ALK: variants seen among roughly 807,000 people sequenced by gnomAD.
ALK encodes the protein ALK tyrosine kinase receptor.
A neutral mutation model predicts 163.1 loss-of-function variants in ALK; 74 were observed. The ratio of observed to expected loss-of-function variants is 0.45; its 90% confidence interval spans 0.38 to 0.55. The LOEUF is 0.55. Ranked by LOEUF, ALK falls within the 20% of genes least tolerant of loss-of-function variation. The pLI is 0.00. For missense variants in ALK, 2,063 were observed against 2,105.3 expected (o/e 0.98, Z 0.39); for synonymous variants, 960 against 843.2 (o/e 1.14, Z -2.40).
chr2:29,215,462 G>A (rs1302144587), intron 23 of ALK, among the ~76,000 whole-genome samples: 2 of 152,154 alleles, frequency 1.3e-5, no homozygotes, highest in Non-Finnish European at 2.9e-5. Context: ...ATGCCCCAGA[G>A]CACATACATG....
At chr2:29,870,311 GC>G (rs1381339514) in intron 1 of ALK, among the ~76,000 whole-genome samples, 1 of 152,182 alleles carries the variant, frequency 6.6e-6, no homozygotes, top group Non-Finnish European at 1.5e-5. Context: ...TACAATAGTG[GC>G]AGAAAGTGAA....
chr2:29,525,404 T>TA lies in ALK; in HGVS notation c.1154+6510dup, dbSNP rs1263374641. Among the ~76,000 whole-genome samples, 4 of 152,202 alleles carry TA rather than the reference T, an allele frequency of 2.6e-5. No individual in the cohort carries two copies. The East Asian group carries it at 7.7e-4, about 29-fold the overall frequency. Reference sequence around the variant, plus strand: ...GCTGAGATGTTAGAGCCATGATTCTTAACTTTTGGTGCACACCCAGAATCC... The same window carrying TA: ...GCTGAGATGTTAGAGCCATGATTCTTAAACTTTTGGTGCACACCCAGAATCC... On this transcript the variant is annotated intron_variant, in intron 4 of 28. Coordinates refer to ENST00000389048, the MANE Select transcript of ALK (RefSeq NM_004304.5).
chr2:29,614,111 C>T (rs1289329093), intron 3 of ALK, among the ~76,000 whole-genome samples: 1 of 152,128 alleles, frequency 6.6e-6, no homozygotes, highest in East Asian at 1.9e-4. Context: ...CTCCCCCTAC[C>T]GTTCCCCAGG....
chr2:29,584,575 ACTTCTTCCTC>A (rs1674826963), intron 3 of ALK, among the ~76,000 whole-genome samples: 1 of 152,178 alleles, frequency 6.6e-6, no homozygotes, highest in Admixed American at 6.5e-5. Flanking sequence ...CCTGCCCTTC[ACTTCTTCCTC>A]CCTCATCATC....
At chr2:29,692,725 C>T (rs899284599) in intron 3 of ALK, among the ~76,000 whole-genome samples, 2 of 152,196 alleles carry the variant, frequency 1.3e-5, no homozygotes, top group Non-Finnish European at 2.9e-5. Context: ...TACCAGTCTT[C>T]AGCCTGGGTG....
At chr2:29,366,150 T>C (rs935183059) in intron 5 of ALK, among the ~76,000 whole-genome samples, 12 of 152,116 alleles carry the variant, frequency 7.9e-5, no homozygotes, top group Admixed American at 3.9e-4. Context: ...AACCAAGAAT[T>C]GATAGGCCCC....
chr2:29,533,703 A>G (rs572343874), intron 3 of ALK, among the ~76,000 whole-genome samples: 1 of 152,294 alleles, frequency 6.6e-6, no homozygotes, highest in African/African-American at 2.4e-5. Flanking sequence ...TTGAGCAAAC[A>G]TCCAAGCACT....
At chr2:29,695,145 G>T (rs1018496339) in intron 2 of ALK, 131 bp from the exon 3 acceptor site, 2 of 966,488 alleles carry the variant, frequency 2.1e-6, no homozygotes, top group Admixed American at 3.9e-5. Flanking sequence ...GAGATCAGTT[G>T]TCAATACCAC....
At chr2:29,573,502 A>T (rs890096177) in intron 3 of ALK, among the ~76,000 whole-genome samples, 5 of 152,188 alleles carry the variant, frequency 3.3e-5, no homozygotes, top group African/African-American at 1.2e-4. Context: ...TGTAAAAAAA[A>T]TTTTTTGAGA....
rs569859747 is a variant in ALK at position 29,712,786 on chromosome 2, A to G, written c.787+4792T>C. On this transcript the variant is annotated intron_variant, in intron 2 of 28. Transcript: ENST00000389048. ...CCCTGAACTGGATAGGTCTCCTTGGACTGGAAAGCAGACAAAGTTTGAATA... is the reference window on the plus strand; with the variant it reads ...CCCTGAACTGGATAGGTCTCCTTGGGCTGGAAAGCAGACAAAGTTTGAATA... Among the ~76,000 whole-genome samples, 22 of 152,268 alleles carry G rather than the reference A, an allele frequency of 1.4e-4. No homozygotes were observed. The East Asian group carries it at 4.1e-3, about 28-fold the overall frequency.
At chr2:29,302,011 A>G (rs181906189) in intron 8 of ALK, among the ~76,000 whole-genome samples, 74 of 152,324 alleles carry the variant, frequency 4.9e-4, no homozygotes, top group South Asian at 1.2e-3. Context: ...GCCCTCATGG[A>G]GCTTATCATC....
At chr2:29,678,777 A>T (rs1390492127) in intron 3 of ALK, among the ~76,000 whole-genome samples, 1 of 151,598 alleles carries the variant, frequency 6.6e-6, no homozygotes, top group African/African-American at 2.4e-5. Flanking sequence ...ATTTTATATA[A>T]ATTAATGACT....
intron 3 of ALK, among the ~76,000 whole-genome samples, chr2:29,569,570 C>T (rs34140919): frequency 3.0e-5 from 3 of 99,578 alleles, no homozygotes; most frequent in African/African-American, 1.4e-4. Flanking sequence ...TCTTCCCCCC[C>T]CCTAGTGAGG....
chr2:29,635,735 T>G (rs1676502145), intron 3 of ALK, among the ~76,000 whole-genome samples: 1 of 151,884 alleles, frequency 6.6e-6, no homozygotes, highest in African/African-American at 2.4e-5. Context: ...CCCGAGTAGC[T>G]GGGATTACAA....
chr2:29,703,589 A>G (rs1288204702), intron 2 of ALK, among the ~76,000 whole-genome samples: 1 of 152,224 alleles, frequency 6.6e-6, no homozygotes, highest in African/African-American at 2.4e-5. Context: ...ACATTGGCTG[A>G]TTCCGAATTT....
intron 3 of ALK, among the ~76,000 whole-genome samples, chr2:29,604,433 T>C (rs1347299259): frequency 2.0e-5 from 3 of 152,086 alleles, no homozygotes; most frequent in Non-Finnish European, 4.4e-5. Context: ...TCTTTCAAAC[T>C]CCTGCAGAGT....
chr2:29,311,915 C>T (rs1241223041), intron 8 of ALK, among the ~76,000 whole-genome samples: 1 of 152,086 alleles, frequency 6.6e-6, no homozygotes, highest in Non-Finnish European at 1.5e-5. Context: ...GGACTTTTGG[C>T]AGATTGGAGG....
At chr2:29,236,378 G>A (rs577306120) in intron 13 of ALK, among the ~76,000 whole-genome samples, 1 of 152,324 alleles carries the variant, frequency 6.6e-6, no homozygotes, top group African/African-American at 2.4e-5. Context: ...TCCAGAGATT[G>A]CTGGGATGGG....
At chr2:29,789,475 C>T (rs1664133422) in intron 1 of ALK, among the ~76,000 whole-genome samples, 1 of 152,198 alleles carries the variant, frequency 6.6e-6, no homozygotes, top group African/African-American at 2.4e-5. Context: ...GTTACTTCTG[C>T]ACCATGTTGC....
Sources: allele counts gnomAD v4.1 joint callset (sites outside exome capture counted in the v4.1 genomes callset), GRCh38; gene constraint gnomAD v4.1.1; transcripts MANE v1.5; gene names NCBI Gene and HGNC (gene_info 2026-07-23, HGNC 2026-07-21).